Variants in SFTPB observed in about 807,000 individuals in gnomAD.
The protein encoded by SFTPB is pulmonary surfactant-associated protein B.
Under a neutral mutation model 51.0 loss-of-function variants are expected in SFTPB, and 32 were observed. The observed-to-expected ratio is 0.63, with a 90% CI of 0.47 to 0.84. SFTPB has a LOEUF of 0.84. Ranked by LOEUF, SFTPB falls within the 40% of genes least tolerant of loss-of-function variation. SFTPB has a pLI of 0.00. For missense variants in SFTPB, 431 were observed against 491.2 expected (o/e 0.88, Z 1.16); for synonymous variants, 211 against 208.5 (o/e 1.01, Z -0.10).
chr2:85,663,513 G>A, intron 7 of SFTPB, 22 bp from the exon 8 acceptor site: 1 of 1,613,260 alleles, frequency 6.2e-7, no homozygotes, highest in Non-Finnish European at 8.5e-7. Flanking sequence ...AGCATTAGGG[G>A]GAAAGCAGGC....
At chr2:85,662,878 G>A (rs993039901) in intron 8 of SFTPB, among the ~76,000 whole-genome samples, 2 of 145,760 alleles carry the variant, frequency 1.4e-5, no homozygotes, top group East Asian at 4.1e-4. Context: ...GGAATTTCCT[G>A]TCATTGACTG....
chr2:85,666,987 C>T, intron 3 of SFTPB, 119 bp downstream of exon 3: 1 of 1,023,018 alleles, frequency 9.8e-7, no homozygotes, highest in Non-Finnish European at 1.5e-6. Context: ...CTGGGACTTC[C>T]CAGGCACCCA....
In SFTPB at chr2:85,665,378, C is replaced by T. The variant is rs267599489; in HGVS notation, c.583G>A (p.Asp195Asn). The change falls in exon 6 of 11, where the codon GAT becomes AAT. Residue 195 changes from aspartate to asparagine, a missense_variant and splice_region_variant. By Grantham distance (23) the Asp-to-Asn change is conservative. Coordinates refer to ENST00000519937, the MANE Select transcript of SFTPB (RefSeq NM_000542.5). ...ATGGGGAATTGCTGCTCGGAGAGAT[C>T]CTGGGGAAAGAATCAGGTGGAGGCC... ...LQARPGPHTQ[D>N]LSEQQFPIPL... The T allele has an allele frequency of 1.2e-6, 2 of 1,613,570 alleles. No individual in the cohort carries two copies. The highest frequency in any genetic ancestry group is 1.7e-6 in the Non-Finnish European group (2 of 1,179,572).
At position 85,665,762 on chromosome 2, in the gene SFTPB, C is replaced by T. The variant is rs1026496084; in HGVS notation, c.426G>A (p.Leu142=). ...DSNGICMHLG[L]CKSRQPEPEQ... ...CTGGCTCTGGCTGCCGGGATTTGCA[C>T]AGGCCCAGGTGCATACAGATGCCGT... Residue 142 remains leucine, a synonymous_variant, in exon 5 of 11, where the codon CTG becomes CTA. Coordinates refer to ENST00000519937, the MANE Select transcript of SFTPB (RefSeq NM_000542.5). 6.2e-7 allele frequency: 1 copy of T among 1,614,092 alleles called. No homozygotes were observed. The highest frequency in any genetic ancestry group is 8.5e-7 in the Non-Finnish European group (1 of 1,180,040).
At position 85,657,363 on chromosome 2, in the gene SFTPB, C is replaced by T. The variant is rs527741702; in HGVS notation, c.*2339G>A. On this transcript the variant is annotated 3_prime_UTR_variant, in exon 11 of 11. Coordinates refer to ENST00000519937, the MANE Select transcript of SFTPB (RefSeq NM_000542.5). ...TTTATTTTTTTAAATTTAAAACACC[C>T]TTTTCTCTCAGAGAGTTGGATTTTG... The T allele has an allele frequency of 5.9e-5, 9 of 152,260 alleles. No homozygotes were observed. In the South Asian group the frequency reaches 1.9e-3, roughly 32 times the overall value. 9.4% of individuals were successfully genotyped at this position (152,260 alleles called of 1,614,324 possible). A position where few individuals can be genotyped will look rare whatever the true frequency, so the allele number is the denominator to read the frequency against.
Position 85,657,598 on chromosome 2 carries a change from A to G in SFTPB, c.*2104T>C, listed in dbSNP as rs1573464791. 6.6e-6 allele frequency: 1 copy of G among 152,174 alleles called. No individual in the cohort carries two copies. The highest frequency in any genetic ancestry group is 2.4e-5 in the African/African-American group (1 of 41,442). 9.4% of individuals were successfully genotyped at this position (152,174 alleles called of 1,614,324 possible). ...AGCCCCAAGCTCAGTGTCAAAACAC[A>G]CACCCTGCCGTAGCTCTCTCCTGGG... On this transcript the variant is annotated 3_prime_UTR_variant, in exon 11 of 11. Transcript: ENST00000519937.
chr2:85,666,998 G>A, intron 3 of SFTPB, 108 bp downstream of exon 3: 1 of 1,092,384 alleles, frequency 9.2e-7, no homozygotes, highest in East Asian at 2.5e-5. Flanking sequence ...CAGGCACCCA[G>A]GCCTCCTCCT....
At position 85,658,363 on chromosome 2, in the gene SFTPB, G is replaced by C. The variant is rs1033985116; in HGVS notation, c.*1339C>G. The C allele has an allele frequency of 6.6e-6, 1 of 152,316 alleles. No individual in the cohort carries two copies. Among genetic ancestry groups the C allele is most frequent in the Non-Finnish European group, 1.5e-5 (1 of 68,128 alleles). The allele number at this position is 152,316 out of a possible 1,614,324, so 9.4% of individuals were successfully genotyped here. ...CCAGTGAGTAGAGACTGGGAGGGGAGAGCAGCAGCTGGAGGGCAGGCTGGG... is the reference window on the plus strand; with the variant it reads ...CCAGTGAGTAGAGACTGGGAGGGGACAGCAGCAGCTGGAGGGCAGGCTGGG... On this transcript the variant is annotated 3_prime_UTR_variant, in exon 11 of 11. Coordinates refer to ENST00000519937, the MANE Select transcript of SFTPB (RefSeq NM_000542.5).
At chr2:85,668,314 TC>T, upstream of SFTPB, 1 of 805,340 alleles carries the variant, frequency 1.2e-6, no homozygotes, top group Non-Finnish European at 2.1e-6. Flanking sequence ...AGGTGCTTGA[TC>T]CCACCTTTTC....
rs1396880503 is a variant in SFTPB at position 85,661,501 on chromosome 2, A to T, written c.1118T>A (p.Leu373His). 5 of 1,612,278 alleles carry T rather than the reference A, an allele frequency of 3.1e-6. No homozygotes were observed. In the South Asian group the frequency reaches 5.5e-5, roughly 18 times the overall value. The change falls in exon 10 of 11, where the codon CTC becomes CAC. Residue 373 changes from leucine (L) to histidine (H), a missense_variant. Leu to His is a moderately conservative substitution (Grantham distance 99, BLOSUM62 -3). Transcript: ENST00000519937. Reference sequence around the variant, plus strand: ...AAGGTCGGGGCTGTGGATACACTGGAGAGGGCTGGACATGGTCCCACACAC... The same window carrying T: ...AAGGTCGGGGCTGTGGATACACTGGTGAGGGCTGGACATGGTCCCACACAC... ...LGVCGTMSSP[L>H]QCIHSPDL is the part of the protein sequence containing the mutation.
intron 10 of SFTPB, among the ~76,000 whole-genome samples, chr2:85,660,719 T>G (rs1022000715): frequency 6.6e-6 from 1 of 152,148 alleles, no homozygotes; most frequent in Non-Finnish European, 1.5e-5. Flanking sequence ...CCTCCCAAAG[T>G]GCTGGGATTA....
chr2:85,661,356 T>C, intron 10 of SFTPB, 98 bp downstream of exon 10: 2 of 820,462 alleles, frequency 2.4e-6, no homozygotes, highest in East Asian at 2.8e-5. Context: ...CCGGCAGGAG[T>C]GGCCGCCTCT....
At chr2:85,668,079 G>A (rs1303253995) in intron 1 of SFTPB, 38 bp downstream of exon 1, 1 of 1,481,124 alleles carries the variant, frequency 6.8e-7, no homozygotes, top group Non-Finnish European at 9.2e-7. Flanking sequence ...AGTGAGTGGT[G>A]GAGCTGCCTA....
At chr2:85,663,914 CACCCA>C in intron 6 of SFTPB, 67 bp from the exon 7 acceptor site, 10 of 1,468,654 alleles carry the variant, frequency 6.8e-6, no homozygotes, top group Non-Finnish European at 7.3e-6. Context: ...CTCTGCCCAG[CACCCA>C]GCTGGGCACT....
rs140667432 is a variant in SFTPB at position 85,666,637 on chromosome 2, C to T, written c.373G>A (p.Asp125Asn). 4.6e-5 allele frequency: 75 copies of T among 1,613,456 alleles called. No individual in the cohort carries two copies. In the East Asian group the frequency reaches 1.2e-3, roughly 25 times the overall value. ...VLDDYFPLVI[D>N]YFQNQTDSNG... The stretch of plus-strand genomic sequence containing the variant: ...CTCACAGTCTGGTTCTGGAAGTAGT[C>T]GATGACCAGGGGGAAGTAGTCGTCA... Residue 125 changes from aspartate to asparagine, a missense_variant, in exon 4 of 11, where the codon GAC (aspartate) becomes AAC (asparagine). By Grantham distance (23) the Asp-to-Asn change is conservative. Transcript: ENST00000519937.
At position 85,663,991 on chromosome 2, in the gene SFTPB, C is replaced by T. The variant is rs1220233252; in HGVS notation, c.673-144G>A. The T allele has an allele frequency of 3.4e-5, 27 of 796,446 alleles. No individual in the cohort carries two copies. The East Asian group carries it at 6.7e-4, about 20-fold the overall frequency. The allele number at this position is 796,446 out of a possible 1,614,324, so 49.3% of individuals were successfully genotyped here. A position where few individuals can be genotyped will look rare whatever the true frequency, so the allele number is the denominator to read the frequency against. ...GCAAGGCTATTCACAAATAAGGACA[C>T]TGGGGATCAGAGAGTCCAGGGGATG... On this transcript the variant is annotated intron_variant, in intron 6 of 10. Coordinates refer to ENST00000519937, the MANE Select transcript of SFTPB (RefSeq NM_000542.5).
At position 85,665,769 on chromosome 2, in the gene SFTPB, A is replaced by G; in HGVS notation, c.419T>C (p.Leu140Pro). 1 of 1,614,204 alleles carries G rather than the reference A, an allele frequency of 6.2e-7. No individual in the cohort carries two copies. The highest frequency in any genetic ancestry group is 8.5e-7 in the Non-Finnish European group (1 of 1,180,032). ...TGGCTGCCGGGATTTGCACAGGCCCAGGTGCATACAGATGCCGTTTGAGTC... is the reference window on the plus strand; with the variant it reads ...TGGCTGCCGGGATTTGCACAGGCCCGGGTGCATACAGATGCCGTTTGAGTC... ...QTDSNGICMH[L>P]GLCKSRQPEP... Residue 140 changes from leucine to proline, a missense_variant, in exon 5 of 11, where the codon CTG becomes CCG. By Grantham distance (98) the Leu-to-Pro change is moderately conservative (BLOSUM62 -3). Transcript: ENST00000519937.
rs1677142871 is a variant in SFTPB, at chr2:85,658,408, A to T, written c.*1294T>A. The T allele has an allele frequency of 6.6e-6, 1 of 152,170 alleles. No homozygotes were observed. Among genetic ancestry groups the T allele is most frequent in the Non-Finnish European group, 1.5e-5 (1 of 68,164 alleles). The allele number at this position is 152,170 out of a possible 1,614,324, so 9.4% of individuals were successfully genotyped here. ...GCTGGGAGCGCTTGTGAGGGAGAGG[A>T]GCTATGGACGTCTGCTTCTCTGCCA... On this transcript the variant is annotated 3_prime_UTR_variant, in exon 11 of 11. Coordinates refer to ENST00000519937, the MANE Select transcript of SFTPB (RefSeq NM_000542.5).
intron 4 of SFTPB, among the ~76,000 whole-genome samples, chr2:85,666,367 G>A (rs1677610664): frequency 7.4e-6 from 1 of 135,478 alleles, no homozygotes; most frequent in African/African-American, 2.7e-5. Context: ...TGCTGTGTGT[G>A]TGTGTGTCCG....
Sources: allele counts gnomAD v4.1 joint callset (sites outside exome capture counted in the v4.1 genomes callset), GRCh38; gene constraint gnomAD v4.1.1; transcripts MANE v1.5; gene names NCBI Gene and HGNC (gene_info 2026-07-23, HGNC 2026-07-21).